ANLN: variants seen among roughly 807,000 people sequenced by gnomAD.
The protein encoded by ANLN is anillin.
In ANLN, 59 loss-of-function variants were observed where a neutral mutation model predicts 135.1. The observed-to-expected ratio is 0.44, with a 90% CI of 0.35 to 0.54. ANLN has a LOEUF of 0.54. ANLN is among the 20% of genes least tolerant of loss of function. ANLN has a pLI of 0.00. For missense variants in ANLN, 1,182 were observed against 1,340.0 expected (o/e 0.88, Z 1.84); for synonymous variants, 406 against 456.4 (o/e 0.89, Z 1.41).
intron 5 of ANLN, 94 bp downstream of exon 5, chr7:36,408,050 T>A: frequency 9.9e-7 from 1 of 1,015,138 alleles, no homozygotes. Flanking sequence ...GGTACAGCAA[T>A]GATTTGCCAG....
intron 20 of ANLN, among the ~76,000 whole-genome samples, chr7:36,433,689 G>A (rs1788417768): frequency 6.6e-6 from 1 of 152,088 alleles, no homozygotes; most frequent in Non-Finnish European, 1.5e-5. Flanking sequence ...CTACAGGTCT[G>A]TGACATTCTT....
intron 7 of ANLN, 34 bp from the exon 8 acceptor site, chr7:36,415,724 G>C: frequency 6.5e-7 from 1 of 1,549,438 alleles, no homozygotes; most frequent in East Asian, 2.3e-5. Context: ...ATAGTTTTGA[G>C]AAATAAAATT....
intron 2 of ANLN, among the ~76,000 whole-genome samples, 157 bp downstream of exon 2, chr7:36,396,576 G>A (rs562505238): frequency 4.5e-4 from 69 of 152,234 alleles, no homozygotes; most frequent in Non-Finnish European, 8.5e-4. Context: ...CTATTTCAGA[G>A]TTATTATATT....
rs545519705 is a variant in ANLN at position 36,406,420 on chromosome 7, G to A, written c.727G>A (p.Gly243Arg). Residue 243 changes from glycine to arginine, a missense_variant, in exon 4 of 24, where the codon GGA becomes AGA. Around this residue, in one of 3 missense-constraint regions of ANLN, gnomAD observed 1,022 missense variants for 1,134.0 expected, o/e 0.90. Coordinates refer to ENST00000265748, the MANE Select transcript of ANLN (RefSeq NM_018685.5). ...TTTATCCAAATTTTCCTCTGCAAGT[G>A]GAGCATCTGCTAGGATCAATAGCAG... ...ACLSKFSSASGASARINSSSV... is the reference protein window; with the variant it reads ...ACLSKFSSASRASARINSSSV... 5 of 1,613,616 alleles carry A rather than the reference G, an allele frequency of 3.1e-6. No individual in the cohort carries two copies. In the African/African-American group the frequency reaches 6.7e-5, roughly 21 times the overall value.
intron 5 of ANLN, 67 bp from the exon 6 acceptor site, chr7:36,410,447 T>G (rs1787362769): frequency 1.4e-6 from 2 of 1,393,998 alleles, no homozygotes; most frequent in Non-Finnish European, 1.9e-6. Context: ...GTTTAGAACT[T>G]TTTCCATAGA....
At chr7:36,432,927 T>G (rs1313298558) in intron 20 of ANLN, among the ~76,000 whole-genome samples, 1 of 152,200 alleles carries the variant, frequency 6.6e-6, no homozygotes, top group Non-Finnish European at 1.5e-5. Flanking sequence ...TCCCAGTATA[T>G]TTTACTTCTT....
intron 20 of ANLN, among the ~76,000 whole-genome samples, chr7:36,436,924 T>C (rs952892166): frequency 6.6e-6 from 1 of 152,168 alleles, no homozygotes; most frequent in Non-Finnish European, 1.5e-5. Context: ...AACCATTCCA[T>C]AGACTGTCTT....
At chr7:36,393,882 C>A (rs990600637) in intron 1 of ANLN, among the ~76,000 whole-genome samples, 7 of 152,196 alleles carry the variant, frequency 4.6e-5, no homozygotes, top group African/African-American at 1.7e-4. Context: ...AAAAGAAAAA[C>A]TTTGGCAGTT....
At chr7:36,444,614 A>G (rs1788915532) in intron 22 of ANLN, among the ~76,000 whole-genome samples, 1 of 152,174 alleles carries the variant, frequency 6.6e-6, no homozygotes. Context: ...AAAGAAGTTA[A>G]TATCATTGCC....
chr7:36,424,332 TTTA>T (rs1299925848), intron 15 of ANLN, among the ~76,000 whole-genome samples: 1 of 152,156 alleles, frequency 6.6e-6, no homozygotes, highest in South Asian at 2.1e-4. Flanking sequence ...AATTACTACT[TTTA>T]TTATTGAAGA....
intron 7 of ANLN, among the ~76,000 whole-genome samples, chr7:36,415,160 A>G (rs539262427): frequency 6.6e-6 from 1 of 152,344 alleles, no homozygotes; most frequent in South Asian, 2.1e-4. Flanking sequence ...TTCCTCTTAA[A>G]TAACCTTGCT....
intron 10 of ANLN, among the ~76,000 whole-genome samples, chr7:36,419,950 T>G (rs964317429): frequency 6.6e-6 from 1 of 152,212 alleles, no homozygotes; most frequent in African/African-American, 2.4e-5. Flanking sequence ...TGGGGATTGA[T>G]TCAACTAGAA....
At chr7:36,423,441 T>G (rs1414236401) in intron 14 of ANLN, among the ~76,000 whole-genome samples, 1 of 152,156 alleles carries the variant, frequency 6.6e-6, no homozygotes, top group Non-Finnish European at 1.5e-5. Context: ...TCTGAGTAAC[T>G]TTTATAGAAA....
At chr7:36,390,082 C>T (rs759191608) in intron 1 of ANLN, 38 bp downstream of exon 1, 13 of 1,612,704 alleles carry the variant, frequency 8.1e-6, no homozygotes, top group Non-Finnish European at 1.1e-5. Context: ...CATGACCCAC[C>T]GCTCTAGGCC....
At chr7:36,425,634 G>A (rs1788050027) in intron 17 of ANLN, 68 bp from the exon 18 acceptor site, 2 of 1,232,628 alleles carry the variant, frequency 1.6e-6, no homozygotes, top group Admixed American at 4.2e-5. Context: ...CTCAAGGTTG[G>A]ATAGTTTTAC....
intron 15 of ANLN, 95 bp from the exon 16 acceptor site, chr7:36,424,450 T>C (rs1787999965): frequency 9.8e-7 from 1 of 1,017,338 alleles, no homozygotes; most frequent in African/African-American, 1.6e-5. Flanking sequence ...GTGGATTCCT[T>C]TACTTAGAGT....
In ANLN at chr7:36,399,259, C is replaced by A; in HGVS notation, c.353C>A (p.Ala118Asp). 6.2e-7 allele frequency: 1 copy of A among 1,614,178 alleles called. No homozygotes were observed. Among genetic ancestry groups the A allele is most frequent in the Non-Finnish European group, 8.5e-7 (1 of 1,180,032 alleles). ...GCAGATACCATCAGTGATTCTGTTG[C>A]TGTCCCGGCATCACTGCTGGGCATG... Reference protein sequence around the residue: ...QAADTISDSVAVPASLLGMRR... With the variant: ...QAADTISDSVDVPASLLGMRR... The change falls in exon 3 of 24, where the codon GCT becomes GAT. Residue 118 changes from alanine (A) to aspartate (D), a missense_variant. Ala to Asp is a moderately radical substitution (Grantham distance 126, BLOSUM62 -2). Transcript: ENST00000265748.
At chr7:36,420,844 A>G (rs1265510826) in intron 12 of ANLN, 100 bp downstream of exon 12, 2 of 1,271,062 alleles carry the variant, frequency 1.6e-6, no homozygotes, top group South Asian at 1.4e-5. Context: ...CTGAACCCTG[A>G]GTGGCCAGAA....
In ANLN at chr7:36,419,462, G is replaced by C. The variant is rs1184529372; in HGVS notation, c.1852G>C (p.Gly618Arg). The change falls in exon 10 of 24, where the codon GGT becomes CGT. Residue 618 changes from glycine (G) to arginine (R), a missense_variant. Around this residue, in one of 3 missense-constraint regions of ANLN, gnomAD observed 1,022 missense variants for 1,134.0 expected, o/e 0.90. Transcript: ENST00000265748. ...ACTTGCACCATTGGCACAAACAGTT[G>C]GTGTGGTAAGTCCAGAGGTAAGAAA... The part of the protein sequence containing the change: ...SLLAPLAQTV[G>R]VVSPESLVST... 2 of 1,613,522 alleles carry C rather than the reference G, an allele frequency of 1.2e-6. No homozygotes were observed. Among genetic ancestry groups the C allele is most frequent in the Admixed American group, 3.3e-5 (2 of 60,008 alleles).
Sources: gnomAD v4.1 joint callset for allele counts (sites outside exome capture counted in the v4.1 genomes callset) on GRCh38, gnomAD v4.1.1 for gene constraint, gnomAD v4.1.1 regional missense constraint, MANE v1.5 for transcripts, NCBI Gene and HGNC (gene_info 2026-07-23, HGNC 2026-07-21) for gene names.